The following ADARB2 variants were observed in gnomAD, a reference collection of about 807,000 sequenced individuals.
ADARB2 encodes adenosine deaminase RNA specific B2 (inactive).
In ADARB2, 25 loss-of-function variants were observed where a neutral mutation model predicts 62.2. The observed-to-expected ratio is 0.40, with a 90% CI of 0.29 to 0.56. The LOEUF is 0.56. Among genes scored for constraint, ADARB2 ranks in the 20% least tolerant of loss-of-function variants. The pLI is 0.43. For missense variants in ADARB2, 1,071 were observed against 1,077.4 expected, an observed-to-expected ratio of 0.99 and a Z score of 0.08; for synonymous variants, 572 against 500.8, an observed-to-expected ratio of 1.14 and a Z score of -1.90.
chr10:1,458,987 T>C (rs1831133063), intron 1 of ADARB2, among the ~76,000 whole-genome samples: 1 of 152,156 alleles, frequency 6.6e-6, no homozygotes, highest in Non-Finnish European at 1.5e-5. Flanking sequence ...AAAACTGTAA[T>C]GAGGTACCAT....
chr10:1,524,825 G>A (rs1317040161), intron 1 of ADARB2, among the ~76,000 whole-genome samples: 1 of 152,148 alleles, frequency 6.6e-6, no homozygotes, highest in African/African-American at 2.4e-5. Context: ...ACAAAGGCCT[G>A]TAATTCTATG....
In ADARB2 at chr10:1,242,186, C is replaced by A. The variant is rs201639089; in HGVS notation, c.1306G>T (p.Val436Leu). Residue 436 changes from valine to leucine, a missense_variant, in exon 5 of 10, where the codon GTG (valine) becomes TTG (leucine). Transcript: ENST00000381312. ...LVVNDCHAEV[V>L]ARRAFLHFLY... ...AAGTGCAGGAACGCCCGCCGGGCCA[C>A]GACCTCCGCGTGGCAGTCATTCACC... is the stretch of plus-strand genomic sequence containing the variant. 2 of 1,610,426 alleles carry A rather than the reference C, an allele frequency of 1.2e-6. No homozygotes were observed. Among genetic ancestry groups the A allele is most frequent in the Admixed American group, 3.3e-5 (2 of 59,838 alleles).
intron 1 of ADARB2, among the ~76,000 whole-genome samples, chr10:1,724,255 C>T (rs1835135215): frequency 1.3e-5 from 2 of 152,316 alleles, no homozygotes; most frequent in South Asian, 4.1e-4. Flanking sequence ...TCAGCTGCAC[C>T]CATCTCTGCA....
At chr10:1,268,113 A>G (rs1057289978) in intron 4 of ADARB2, among the ~76,000 whole-genome samples, 2 of 152,236 alleles carry the variant, frequency 1.3e-5, no homozygotes, top group Non-Finnish European at 2.9e-5. Flanking sequence ...CATTACAAAC[A>G]TAATAATGGA....
At chr10:1,633,606 ATC>A (rs1833876805) in intron 1 of ADARB2, among the ~76,000 whole-genome samples, 2 of 146,516 alleles carry the variant, frequency 1.4e-5, no homozygotes, top group Admixed American at 6.8e-5. Context: ...CTATCTATCT[ATC>A]TATCCCTCTA....
Position 1,271,138 on chromosome 10 carries a change from C to A in ADARB2, c.1078-69G>T, listed in dbSNP as rs944718755. The A allele has an allele frequency of 7.1e-6, 9 of 1,262,248 alleles. No individual in the cohort carries two copies. The Middle Eastern group carries it at 6.3e-4, about 89-fold the overall frequency. 78.2% of individuals were successfully genotyped at this position (1,262,248 alleles called of 1,614,324 possible). A position where few individuals can be genotyped will look rare whatever the true frequency, so the allele number is the denominator to read the frequency against. On this transcript the variant is annotated intron_variant, in intron 3 of 9. Coordinates refer to ENST00000381312, the MANE Select transcript of ADARB2 (RefSeq NM_018702.4). ...GCCGTGGAGGATGATGGGGCACTGT[C>A]CTCCCCGTCCTCACAGCCTCATCCC... is the stretch of plus-strand genomic sequence containing the variant.
chr10:1,514,321 A>T (rs1476062099), intron 1 of ADARB2, among the ~76,000 whole-genome samples: 1 of 151,590 alleles, frequency 6.6e-6, no homozygotes, highest in African/African-American at 2.4e-5. Flanking sequence ...TCGGGGAATC[A>T]GTAAACCACA....
intron 1 of ADARB2, among the ~76,000 whole-genome samples, chr10:1,714,918 C>T (rs376639929): frequency 2.6e-4 from 40 of 152,112 alleles, no homozygotes; most frequent in South Asian, 1.9e-3. Flanking sequence ...TTGTTACATA[C>T]GTATACATGT....
chr10:1,474,899 G>T (rs1366644690), intron 1 of ADARB2, among the ~76,000 whole-genome samples: 1 of 152,184 alleles, frequency 6.6e-6, no homozygotes, highest in East Asian at 1.9e-4. Context: ...GGGGGGTCAC[G>T]CACCACACGG....
Position 1,737,033 on chromosome 10 carries a change from G to T in ADARB2, c.100+18C>A, listed in dbSNP as rs2119054937. The T allele has an allele frequency of 6.2e-7, 1 of 1,608,230 alleles. No homozygotes were observed. On this transcript the variant is annotated intron_variant, in intron 1 of 9. Transcript: ENST00000381312. Reference sequence around the variant, plus strand: ...GGGGTGAAGGGGGGCAGGGGCCGGCGCGCCACGCGGTCCTTACCTTTCCGC... The same window carrying T: ...GGGGTGAAGGGGGGCAGGGGCCGGCTCGCCACGCGGTCCTTACCTTTCCGC...
At chr10:1,192,720 G>T (rs1310502886) in intron 8 of ADARB2, among the ~76,000 whole-genome samples, 1 of 152,200 alleles carries the variant, frequency 6.6e-6, no homozygotes, top group African/African-American at 2.4e-5. Context: ...GGAGGCCAAG[G>T]CAGGTGGATC....
At chr10:1,671,562 A>G (rs1270423688) in intron 1 of ADARB2, among the ~76,000 whole-genome samples, 1 of 152,148 alleles carries the variant, frequency 6.6e-6, no homozygotes, top group Non-Finnish European at 1.5e-5. Context: ...GACAGGGCCA[A>G]CTTGCCCATG....
intron 3 of ADARB2, among the ~76,000 whole-genome samples, chr10:1,299,986 G>T (rs1831558935): frequency 6.6e-6 from 1 of 152,136 alleles, no homozygotes. Flanking sequence ...CACCAGGGGG[G>T]CCCGGTGGAG....
At chr10:1,728,525 A>T (rs1835194105) in intron 1 of ADARB2, among the ~76,000 whole-genome samples, 1 of 152,174 alleles carries the variant, frequency 6.6e-6, no homozygotes, top group Non-Finnish European at 1.5e-5. Flanking sequence ...GTGTGCATAT[A>T]TTAGACATCT....
chr10:1,703,199 T>C (rs1210568306), intron 1 of ADARB2, among the ~76,000 whole-genome samples: 4 of 152,036 alleles, frequency 2.6e-5, no homozygotes, highest in African/African-American at 9.7e-5. Flanking sequence ...TCAGTCCTAG[T>C]GGAACTGAGC....
chr10:1,279,297 T>G (rs977992904), intron 3 of ADARB2, among the ~76,000 whole-genome samples: 1 of 150,436 alleles, frequency 6.6e-6, no homozygotes, highest in Admixed American at 6.6e-5. Context: ...CCAGACTCCA[T>G]GGCATCATTT....
Position 1,326,081 on chromosome 10 carries a change from T to C in ADARB2, c.1077+36947A>G, listed in dbSNP as rs143322483. Among the ~76,000 whole-genome samples the C allele has an allele frequency of 5.8e-3, 877 of 152,358 alleles. 9 individuals are homozygous for C. The highest frequency in any genetic ancestry group is 0.019 in the African/African-American group (806 of 41,584). On this transcript the variant is annotated intron_variant, in intron 3 of 9. Transcript: ENST00000381312. ...ATATGTAAACAGTAAGATACTCTTATCTTGGAAAACTGAATGCAAGTGAAT... is the reference window on the plus strand; with the variant it reads ...ATATGTAAACAGTAAGATACTCTTACCTTGGAAAACTGAATGCAAGTGAAT...
chr10:1,633,301 T>C (rs558161288), intron 1 of ADARB2, among the ~76,000 whole-genome samples: 63 of 152,264 alleles, frequency 4.1e-4, no homozygotes, highest in African/African-American at 1.5e-3. Context: ...CATACACAGG[T>C]TGAGTGTCCC....
chr10:1,608,348 A>G lies in ADARB2; in HGVS notation c.100+128703T>C, dbSNP rs180759269. ...TGTGCTGCTGCTGAGATGTTTGTCC[A>G]AGAGAATTTAAATCGTCACCAGCGG... is the stretch of plus-strand genomic sequence containing the variant. On this transcript the variant is annotated intron_variant, in intron 1 of 9. Coordinates refer to ENST00000381312, the MANE Select transcript of ADARB2 (RefSeq NM_018702.4). 2.1e-3 allele frequency among the ~76,000 whole-genome samples: 324 copies of G among 152,280 alleles called. 1 individual carries two copies. The highest frequency in any genetic ancestry group is 3.5e-3 in the Non-Finnish European group (236 of 68,032).
Sources: allele counts gnomAD v4.1 joint callset (sites outside exome capture counted in the v4.1 genomes callset), GRCh38; gene constraint gnomAD v4.1.1; transcripts MANE v1.5; gene names NCBI Gene and HGNC (gene_info 2026-07-23, HGNC 2026-07-21).